SEMA3E: variants seen among roughly 807,000 people sequenced by gnomAD.
SEMA3E encodes semaphorin 3E.
In SEMA3E, 49 loss-of-function variants were observed where a neutral mutation model predicts 93.6. The observed-to-expected ratio is 0.52, with a 90% CI of 0.42 to 0.66. The LOEUF (loss-of-function observed/expected upper bound fraction) is 0.66. SEMA3E is among the 30% of genes least tolerant of loss of function. The pLI, the probability that SEMA3E is intolerant of heterozygous loss-of-function variation, is 0.00. For synonymous variants in SEMA3E, 363 were observed against 330.7 expected (o/e 1.10, Z -1.06); for missense variants, 906 against 964.8 (o/e 0.94, Z 0.81).
chr7:83,550,065 C>T (rs946599031), intron 1 of SEMA3E, among the ~76,000 whole-genome samples: 6 of 122,628 alleles, frequency 4.9e-5, no homozygotes, highest in Non-Finnish European at 9.8e-5. Flanking sequence ...TTTGAGGTTA[C>T]ACAAATCAAT....
At chr7:83,440,200 G>C (rs953532724) in intron 4 of SEMA3E, among the ~76,000 whole-genome samples, 3 of 152,126 alleles carry the variant, frequency 2.0e-5, no homozygotes, top group Admixed American at 2.0e-4. Flanking sequence ...CTCAACATTG[G>C]GAAGTACAAT....
chr7:83,624,549 C>T lies in SEMA3E; in HGVS notation c.115+23879G>A, dbSNP rs186711506. 5.6e-3 allele frequency among the ~76,000 whole-genome samples: 850 copies of T among 152,122 alleles called. 8 individuals are homozygous for T. Among genetic ancestry groups the T allele is most frequent in the African/African-American group, 0.017 (724 of 41,526 alleles). On this transcript the variant is annotated intron_variant, in intron 1 of 16. Transcript: ENST00000643230. ...TTGAGAAATGTCTGTTCACATCCTT[C>T]GCCCACTTTTTGATGGGGTTGTTTT...
chr7:83,444,191 G>T (rs1022423148), intron 4 of SEMA3E, among the ~76,000 whole-genome samples: 3 of 152,132 alleles, frequency 2.0e-5, no homozygotes, highest in Non-Finnish European at 4.4e-5. Flanking sequence ...TCCAAACAGA[G>T]AATAAGGATA....
At chr7:83,571,494 T>C (rs1320890214) in intron 1 of SEMA3E, among the ~76,000 whole-genome samples, 3 of 152,112 alleles carry the variant, frequency 2.0e-5, no homozygotes, top group Non-Finnish European at 4.4e-5. Flanking sequence ...TTCACAGGTG[T>C]GAAAAAAGTC....
At chr7:83,535,692 G>T (rs546111437) in intron 1 of SEMA3E, among the ~76,000 whole-genome samples, 2 of 152,010 alleles carry the variant, frequency 1.3e-5, no homozygotes, top group Non-Finnish European at 2.9e-5. Flanking sequence ...TGAGGTAAAA[G>T]ATCTCAATTA....
At chr7:83,591,200 A>G (rs1459769340) in intron 1 of SEMA3E, among the ~76,000 whole-genome samples, 1 of 151,648 alleles carries the variant, frequency 6.6e-6, no homozygotes, top group Non-Finnish European at 1.5e-5. Flanking sequence ...CAAAATTTAG[A>G]TAAGCAAAAT....
intron 16 of SEMA3E, among the ~76,000 whole-genome samples, chr7:83,370,858 A>G (rs894523016): frequency 3.3e-5 from 5 of 152,180 alleles, no homozygotes; most frequent in African/African-American, 1.2e-4. Context: ...ATGGATACTA[A>G]TTTACTCTTC....
intron 1 of SEMA3E, among the ~76,000 whole-genome samples, chr7:83,636,772 T>A (rs41999): frequency 0.29 from 43,791 of 151,944 alleles, 6,880 homozygotes; most frequent in South Asian, 0.35. Flanking sequence ...TGCAGTGGGA[T>A]GATTGTGGGC....
chr7:83,438,061 A>C (rs1249511182), intron 4 of SEMA3E, among the ~76,000 whole-genome samples: 1 of 152,168 alleles, frequency 6.6e-6, no homozygotes, highest in Non-Finnish European at 1.5e-5. Context: ...TCGAGTTCTG[A>C]GATTAAGAAA....
At chr7:83,507,468 GTGT>G (rs1186644110) in intron 1 of SEMA3E, among the ~76,000 whole-genome samples, 2 of 148,726 alleles carry the variant, frequency 1.3e-5, no homozygotes, top group African/African-American at 5.0e-5. Context: ...GTGTGTGTGT[GTGT>G]GTGAAAGGGA....
chr7:83,397,009 G>C (rs1330756151), intron 11 of SEMA3E, among the ~76,000 whole-genome samples: 6 of 151,720 alleles, frequency 4.0e-5, no homozygotes, highest in African/African-American at 1.5e-4. Context: ...TTGAACCTGG[G>C]AAGCAGAGGT....
chr7:83,572,338 A>G (rs1046770963), intron 1 of SEMA3E, among the ~76,000 whole-genome samples: 5 of 152,174 alleles, frequency 3.3e-5, no homozygotes, highest in African/African-American at 1.2e-4. Context: ...CCATAAGGCT[A>G]CAGTAACCAA....
chr7:83,627,687 C>G (rs1414601095), intron 1 of SEMA3E, among the ~76,000 whole-genome samples: 1 of 132,062 alleles, frequency 7.6e-6, no homozygotes, highest in African/African-American at 3.0e-5. Context: ...TCCTACAACC[C>G]TTTATTTTGA....
At chr7:83,542,568 T>A (rs546960155) in intron 1 of SEMA3E, among the ~76,000 whole-genome samples, 3 of 152,206 alleles carry the variant, frequency 2.0e-5, no homozygotes, top group East Asian at 3.9e-4. Flanking sequence ...ATTTGAATAG[T>A]TGACTAAATA....
chr7:83,478,317 T>C (rs910626662), intron 2 of SEMA3E, among the ~76,000 whole-genome samples: 2 of 152,262 alleles, frequency 1.3e-5, no homozygotes, highest in African/African-American at 4.8e-5. Context: ...TTTCTGAAAC[T>C]GAAAGTTTAT....
In SEMA3E at chr7:83,392,810, C is replaced by A; in HGVS notation, c.1501-89G>T. ...TAGTTTTCACATTTATACACAATCACCTCAGAAAAAATTCACTTAAATTTA... is the reference window on the plus strand; with the variant it reads ...TAGTTTTCACATTTATACACAATCAACTCAGAAAAAATTCACTTAAATTTA... On this transcript the variant is annotated intron_variant, in intron 13 of 16. Transcript: ENST00000643230. 5.6e-6 allele frequency: 7 copies of A among 1,244,878 alleles called. No homozygotes were observed. The South Asian group carries it at 6.1e-5, about 11-fold the overall frequency. The allele number at this position is 1,244,878 out of a possible 1,614,324, so 77.1% of individuals were successfully genotyped here. A position where few individuals can be genotyped will look rare whatever the true frequency, so the allele number is the denominator to read the frequency against.
intron 1 of SEMA3E, among the ~76,000 whole-genome samples, chr7:83,493,560 C>A (rs1383504711): frequency 6.6e-6 from 1 of 151,532 alleles, no homozygotes; most frequent in Admixed American, 6.6e-5. Context: ...ATTTATAAAC[C>A]TAATAAACAG....
chr7:83,569,713 C>G (rs545040660), intron 1 of SEMA3E, among the ~76,000 whole-genome samples: 1 of 152,250 alleles, frequency 6.6e-6, no homozygotes, highest in South Asian at 2.1e-4. Flanking sequence ...CACCCACGAT[C>G]GGAGCACTGA....
intron 1 of SEMA3E, among the ~76,000 whole-genome samples, chr7:83,519,534 C>T (rs985189710): frequency 6.6e-6 from 1 of 152,050 alleles, no homozygotes; most frequent in Non-Finnish European, 1.5e-5. Context: ...TGTGTCTTTT[C>T]TGGAGTCCTT....
Sources: allele counts gnomAD v4.1 joint callset (sites outside exome capture counted in the v4.1 genomes callset), GRCh38; gene constraint gnomAD v4.1.1; transcripts MANE v1.5; gene names NCBI Gene and HGNC (gene_info 2026-07-23, HGNC 2026-07-21).